The following GSKIP variants were observed in gnomAD, a reference collection of about 807,000 sequenced individuals.
GSKIP encodes GSK3B interacting protein, also known as GSK3B-interacting protein.
A neutral mutation model predicts 11.9 loss-of-function variants in GSKIP; 5 were observed. The ratio of observed to expected loss-of-function variants is 0.42; its 90% CI spans 0.22 to 0.89. The LOEUF is 0.89. Ranked by LOEUF, GSKIP falls within the 40% of genes least tolerant of loss-of-function variation. The pLI is 0.29. For missense variants in GSKIP, 150 were observed against 166.6 expected, an observed-to-expected ratio of 0.90 and a Z score of 0.55; for synonymous variants, 70 against 62.9, an observed-to-expected ratio of 1.11 and a Z score of -0.54.
intron 1 of GSKIP, among the ~76,000 whole-genome samples, chr14:96,371,986 C>T (rs779177369): frequency 1.3e-5 from 2 of 152,082 alleles, no homozygotes; most frequent in African/African-American, 4.8e-5. Context: ...ATTCCTCACT[C>T]GAATGTACCT....
intron 1 of GSKIP, among the ~76,000 whole-genome samples, chr14:96,371,987 G>A (rs957579464): frequency 1.3e-5 from 2 of 152,088 alleles, no homozygotes; most frequent in Non-Finnish European, 2.9e-5. Flanking sequence ...TTCCTCACTC[G>A]AATGTACCTT....
rs547817517 is a variant in GSKIP at position 96,385,458 on chromosome 14, A to C, written c.259-65A>C. On this transcript the variant is annotated intron_variant, in intron 3 of 3. Transcript: ENST00000555181. ...TGAAAGGATGATTACTCACATAAAC[A>C]CTTGGATTTTGCTTTCTGTACCAAC... 19 of 1,307,662 alleles carry C rather than the reference A, an allele frequency of 1.5e-5. No individual in the cohort carries two copies. The African/African-American group carries it at 2.7e-4, about 18-fold the overall frequency. The allele number at this position is 1,307,662 out of a possible 1,614,324, so 81.0% of individuals were successfully genotyped here.
At chr14:96,365,841 T>TA (rs1888866968) in intron 1 of GSKIP, among the ~76,000 whole-genome samples, 2 of 151,712 alleles carry the variant, frequency 1.3e-5, no homozygotes, top group African/African-American at 4.8e-5. Flanking sequence ...CTTAAAAAAA[T>TA]AAAAAGAACT....
intron 2 of GSKIP, among the ~76,000 whole-genome samples, chr14:96,380,851 CA>C (rs1889325670): frequency 6.6e-6 from 1 of 152,168 alleles, no homozygotes; most frequent in African/African-American, 2.4e-5. Context: ...CCAGCCTGGG[CA>C]ACATGGTGAG....
intron 2 of GSKIP, among the ~76,000 whole-genome samples, chr14:96,381,801 C>A (rs947761740): frequency 4.6e-5 from 7 of 152,028 alleles, no homozygotes; most frequent in Non-Finnish European, 8.8e-5. Context: ...ATAAGTCATA[C>A]TCTCTTTTTT....
intron 3 of GSKIP, among the ~76,000 whole-genome samples, 182 bp downstream of exon 3, chr14:96,382,687 A>G (rs1889381573): frequency 6.6e-6 from 1 of 152,180 alleles, no homozygotes; most frequent in South Asian, 2.1e-4. Context: ...TTTGATCGAT[A>G]TGGGGAAACA....
intron 3 of GSKIP, among the ~76,000 whole-genome samples, chr14:96,383,835 C>T (rs1026004382): frequency 2.6e-5 from 4 of 152,104 alleles, no homozygotes; most frequent in Non-Finnish European, 5.9e-5. Flanking sequence ...ACTAAAAGCT[C>T]AGAGTATTTA....
intron 1 of GSKIP, among the ~76,000 whole-genome samples, chr14:96,371,869 C>T (rs1889058733): frequency 6.6e-6 from 1 of 152,176 alleles, no homozygotes; most frequent in African/African-American, 2.4e-5. Context: ...GCTCCTGCCT[C>T]TGCTTGTTAA....
intron 1 of GSKIP, among the ~76,000 whole-genome samples, chr14:96,366,864 T>A (rs936672447): frequency 6.6e-6 from 1 of 152,184 alleles, no homozygotes; most frequent in Admixed American, 6.5e-5. Flanking sequence ...GTCAAAATAA[T>A]CCTCCTTCAG....
At chr14:96,368,830 G>A (rs1888970149) in intron 1 of GSKIP, among the ~76,000 whole-genome samples, 1 of 152,062 alleles carries the variant, frequency 6.6e-6, no homozygotes, top group Non-Finnish European at 1.5e-5. Context: ...AACATCTAAG[G>A]CAGAAAATTG....
At chr14:96,379,291 G>A (rs1330294241) in intron 1 of GSKIP, among the ~76,000 whole-genome samples, 3 of 152,282 alleles carry the variant, frequency 2.0e-5, no homozygotes, top group East Asian at 3.9e-4. Flanking sequence ...GCAACAGAGC[G>A]AGACTCTGTC....
intron 1 of GSKIP, chr14:96,364,548 T>C (rs117189923): frequency 1.3e-4 from 20 of 152,276 alleles, no homozygotes; most frequent in Non-Finnish European, 2.4e-4. Context: ...GCCCAAAATA[T>C]TGGTAGATGG....
intron 3 of GSKIP, among the ~76,000 whole-genome samples, chr14:96,384,159 T>C (rs72706808): frequency 0.16 from 23,767 of 152,136 alleles, 2,311 homozygotes; most frequent in Middle Eastern, 0.21. Flanking sequence ...CAAATATTTG[T>C]TTGTTTTTCA....
In GSKIP at chr14:96,368,470, A is replaced by T. The variant is rs542312861; in HGVS notation, c.-103+4902A>T. Reference sequence around the variant, plus strand: ...CAGGCATGAGCCACAGCACCCAGCCAGTGTTGCTGCTTATTTACAGTTTGT... The same window carrying T: ...CAGGCATGAGCCACAGCACCCAGCCTGTGTTGCTGCTTATTTACAGTTTGT... On this transcript the variant is annotated intron_variant, in intron 1 of 3. Coordinates refer to ENST00000555181, the MANE Select transcript of GSKIP (RefSeq NM_016472.5). 3.2e-4 allele frequency among the ~76,000 whole-genome samples: 49 copies of T among 152,292 alleles called. 1 individual carries two copies. The South Asian group carries it at 9.7e-3, about 30-fold the overall frequency.
At chr14:96,380,656 C>A (rs114610244) in intron 2 of GSKIP, among the ~76,000 whole-genome samples, 1 of 152,118 alleles carries the variant, frequency 6.6e-6, no homozygotes, top group Admixed American at 6.5e-5. Flanking sequence ...TGCAGTGTAC[C>A]AGATCGGTGT....
rs1466027786 is a variant in GSKIP, at chr14:96,365,112, T to C, written c.-103+1544T>C. The stretch of plus-strand genomic sequence containing the variant: ...AGCAGTGAACAGATAAATCTCTTCC[T>C]TCCTGGAACTTACATTTTATTGAAG... On this transcript the variant is annotated intron_variant, in intron 1 of 3. Transcript: ENST00000555181. 2.0e-5 allele frequency: 3 copies of C among 152,114 alleles called. No individual in the cohort carries two copies. In the East Asian group the frequency reaches 5.8e-4, roughly 29 times the overall value. The allele number at this position is 152,114 out of a possible 1,614,324, so 9.4% of individuals were successfully genotyped here. A position where few individuals can be genotyped will look rare whatever the true frequency, so the allele number is the denominator to read the frequency against.
chr14:96,370,989 TCTTA>T (rs1158861798), intron 1 of GSKIP, among the ~76,000 whole-genome samples: 2 of 152,226 alleles, frequency 1.3e-5, no homozygotes, highest in Admixed American at 6.5e-5. Flanking sequence ...AAATAGCCAT[TCTTA>T]CTTGAATTAC....
At chr14:96,372,581 CA>C (rs1405677094) in intron 1 of GSKIP, among the ~76,000 whole-genome samples, 5 of 152,268 alleles carry the variant, frequency 3.3e-5, no homozygotes, top group African/African-American at 1.2e-4. Flanking sequence ...TGTCAAAATG[CA>C]TTTAATTCAT....
In GSKIP at chr14:96,378,495, A is replaced by T. The variant is rs544064556; in HGVS notation, c.-102-1193A>T. Among the ~76,000 whole-genome samples the T allele has an allele frequency of 5.3e-5, 8 of 152,362 alleles. No individual in the cohort carries two copies. In the South Asian group the frequency reaches 1.7e-3, roughly 32 times the overall value. On this transcript the variant is annotated intron_variant, in intron 1 of 3. Transcript: ENST00000555181. ...ATTCCTTCCTGAAGCCTCTAGAAGG[A>T]ATACAGACCTGCTGACATCTTGCTT...
Sources: allele counts gnomAD v4.1 joint callset (sites outside exome capture counted in the v4.1 genomes callset), GRCh38; gene constraint gnomAD v4.1.1; transcripts MANE v1.5; gene names NCBI Gene and HGNC (gene_info 2026-07-23, HGNC 2026-07-21).